The following RAB1A variants were observed in gnomAD, a reference collection of about 807,000 sequenced individuals.
RAB1A encodes ras-related protein Rab-1A.
Under a neutral mutation model 26.0 loss-of-function variants are expected in RAB1A, and 2 were observed. That is an observed-to-expected ratio of 0.08 (90% CI 0.03 to 0.24). RAB1A has a LOEUF of 0.24. RAB1A is among the 10% of genes least tolerant of loss of function. RAB1A has a pLI of 1.00. For synonymous variants in RAB1A, 84 were observed against 84.9 expected, an observed-to-expected ratio of 0.99 and a Z score of 0.06; for missense variants, 100 against 247.0, an observed-to-expected ratio of 0.40 and a Z score of 3.99.
chr2:65,124,840 T>A (rs575149953), intron 1 of RAB1A, among the ~76,000 whole-genome samples: 8 of 152,164 alleles, frequency 5.3e-5, no homozygotes, highest in Non-Finnish European at 8.8e-5. Context: ...TTTATACAAC[T>A]ACTGAATACT....
In RAB1A at chr2:65,130,032, A is replaced by T. The variant is rs1019065320; in HGVS notation, c.-117T>A. 261 of 1,149,602 alleles carry T rather than the reference A, an allele frequency of 2.3e-4. No individual in the cohort carries two copies. Among genetic ancestry groups the T allele is most frequent in the Non-Finnish European group, 3.1e-4 (244 of 786,274 alleles). The allele number at this position is 1,149,602 out of a possible 1,614,324, so 71.2% of individuals were successfully genotyped here. A position where few individuals can be genotyped will look rare whatever the true frequency, so the allele number is the denominator to read the frequency against. On this transcript the variant is annotated 5_prime_UTR_variant, in exon 1 of 6. In the 5' UTR this introduces an upstream ATG that the reference lacks. Transcript: ENST00000409784. ...TGAGATAGGCTGTTCCGGGAGAGCA[A>T]ACGTCTTCCCCTACTCCGTCCCCTA...
chr2:65,112,439 A>G (rs12472234), intron 1 of RAB1A, among the ~76,000 whole-genome samples: 123,826 of 152,104 alleles, frequency 0.81, 50,480 homozygotes, highest in Non-Finnish European at 0.82. Context: ...AAGCCACCGT[A>G]CCCAGCCACT....
chr2:65,100,855 TG>T (rs1255932676), intron 2 of RAB1A, among the ~76,000 whole-genome samples: 3 of 150,022 alleles, frequency 2.0e-5, no homozygotes, highest in African/African-American at 7.4e-5. Flanking sequence ...ATAGAAATAC[TG>T]AATTCTTGGC....
rs1201745425 is a variant in RAB1A, at chr2:65,103,299, C to CAAAAAAAAAAAAAAAAAAAAAAAAA, written c.96+1434_96+1435insTTTTTTTTTTTTTTTTTTTTTTTTT. Among the ~76,000 whole-genome samples, 136 of 44,088 alleles carry CAAAAAAAAAAAAAAAAAAAAAAAAA rather than the reference C, an allele frequency of 3.1e-3. 6 individuals are homozygous for CAAAAAAAAAAAAAAAAAAAAAAAAA. Among genetic ancestry groups the CAAAAAAAAAAAAAAAAAAAAAAAAA allele is most frequent in the Non-Finnish European group, 4.3e-3 (94 of 21,888 alleles). 28.9% of individuals were successfully genotyped at this position (44,088 alleles called of 152,430 possible). A position where few individuals can be genotyped will look rare whatever the true frequency, so the allele number is the denominator to read the frequency against. ...TTGGCAACACAGCCAGAATCTGTCT[C>CAAAAAAAAAAAAAAAAAAAAAAAAA]AAAAAAAAAAAAAAACATTGTTTTA... On this transcript the variant is annotated intron_variant, in intron 2 of 5. Coordinates refer to ENST00000409784, the MANE Select transcript of RAB1A (RefSeq NM_004161.5).
chr2:65,098,150 C>A, intron 2 of RAB1A, 84 bp from the exon 3 acceptor site: 2 of 738,474 alleles, frequency 2.7e-6, no homozygotes, highest in Non-Finnish European at 4.1e-6. Flanking sequence ...AACTGTTGTT[C>A]AAGAGTAAAT....
intron 1 of RAB1A, among the ~76,000 whole-genome samples, chr2:65,118,944 G>A (rs888738598): frequency 5.3e-5 from 8 of 151,612 alleles, no homozygotes; most frequent in African/African-American, 1.2e-4. Context: ...ATCCCAGCAC[G>A]TTGGGAGGTC....
chr2:65,111,290 A>C (rs966060807), intron 1 of RAB1A, among the ~76,000 whole-genome samples: 2 of 151,374 alleles, frequency 1.3e-5, no homozygotes, highest in Admixed American at 6.6e-5. Context: ...TGAACCCCGG[A>C]GGTGGAGGCT....
chr2:65,097,874 A>ATTCAATT (rs953710056), intron 3 of RAB1A, 97 bp downstream of exon 3: 79 of 615,818 alleles, frequency 1.3e-4, no homozygotes, highest in African/African-American at 1.3e-3. Context: ...GACATTTTAC[A>ATTCAATT]TTCAATTTTG....
At chr2:65,096,879 A>G (rs1669301101) in intron 3 of RAB1A, among the ~76,000 whole-genome samples, 4 of 152,250 alleles carry the variant, frequency 2.6e-5, no homozygotes, top group Admixed American at 2.6e-4. Flanking sequence ...CCAAAAGTTT[A>G]CAAAGGGCTT....
chr2:65,094,128 C>T (rs1412461668), intron 3 of RAB1A, among the ~76,000 whole-genome samples: 1 of 152,138 alleles, frequency 6.6e-6, no homozygotes, highest in East Asian at 1.9e-4. Flanking sequence ...CACCACCATG[C>T]CTGGCTGAAT....
intron 1 of RAB1A, among the ~76,000 whole-genome samples, chr2:65,123,093 AACACAC>A (rs34280674): frequency 2.5e-4 from 38 of 151,422 alleles, no homozygotes; most frequent in Non-Finnish European, 4.7e-4. Flanking sequence ...CAGAAGAGAA[AACACAC>A]ACATACACAA....
chr2:65,114,740 G>A (rs1669784275), intron 1 of RAB1A, among the ~76,000 whole-genome samples: 1 of 152,078 alleles, frequency 6.6e-6, no homozygotes, highest in Admixed American at 6.6e-5. Flanking sequence ...AGCTACTCGG[G>A]AGGCTGAGGC....
intron 2 of RAB1A, among the ~76,000 whole-genome samples, chr2:65,103,299 C>CAAAAAAAAAACAAAAAAAAAAAA (rs1553392747): frequency 2.3e-5 from 1 of 44,106 alleles, no homozygotes; most frequent in African/African-American, 7.7e-5. Context: ...GAATCTGTCT[C>CAAAAAAAAAACAAAAAAAAAAAA]AAAAAAAAAA....
intron 1 of RAB1A, among the ~76,000 whole-genome samples, chr2:65,122,155 CAAAAAAAAAAAAAA>C (rs57590844): frequency 3.2e-5 from 1 of 31,730 alleles, no homozygotes; most frequent in Non-Finnish European, 8.0e-5. Flanking sequence ...GACTCTATCT[CAAAAAAAAAAAAAA>C]AAAAAAAAAA....
intron 2 of RAB1A, among the ~76,000 whole-genome samples, chr2:65,099,985 A>C (rs80171515): frequency 0.032 from 4,849 of 152,288 alleles, 270 homozygotes; most frequent in African/African-American, 0.11. Flanking sequence ...ATGACATAAA[A>C]AATATATAAA....
intron 3 of RAB1A, 38 bp from the exon 4 acceptor site, chr2:65,091,116 T>TA: frequency 6.6e-7 from 1 of 1,519,488 alleles, no homozygotes; most frequent in Non-Finnish European, 9.1e-7. Context: ...ACAATTCCAT[T>TA]AAAATAAAGT....
In RAB1A at chr2:65,104,354, C is replaced by T. The variant is rs572393695; in HGVS notation, c.96+380G>A. Among the ~76,000 whole-genome samples, 3 of 152,250 alleles carry T rather than the reference C, an allele frequency of 2.0e-5. No homozygotes were observed. The East Asian group carries it at 5.8e-4, about 29-fold the overall frequency. On this transcript the variant is annotated intron_variant, in intron 2 of 5. Transcript: ENST00000409784. ...CTGAGACTGCAGGCATGATCCACTG[C>T]GTCACCTGGCTCTGCTTTTTCTTCT...
chr2:65,088,359 A>T lies in RAB1A; in HGVS notation c.*134T>A. On this transcript the variant is annotated 3_prime_UTR_variant, in exon 6 of 6. Coordinates refer to ENST00000409784, the MANE Select transcript of RAB1A (RefSeq NM_004161.5). The stretch of plus-strand genomic sequence containing the variant: ...AAAAAAGTCAGTATTGACCATTTAC[A>T]ATCTCTGACCTTTGTGGAGACGGTA... 1 of 722,150 alleles carries T rather than the reference A, an allele frequency of 1.4e-6. No homozygotes were observed. Among genetic ancestry groups the T allele is most frequent in the South Asian group, 2.1e-5 (1 of 47,084 alleles). The allele number at this position is 722,150 out of a possible 1,614,324, so 44.7% of individuals were successfully genotyped here.
intron 1 of RAB1A, among the ~76,000 whole-genome samples, chr2:65,105,887 C>T (rs1025841089): frequency 3.3e-5 from 5 of 152,044 alleles, no homozygotes; most frequent in South Asian, 2.1e-4. Flanking sequence ...CTCAGCCTCC[C>T]GAGTAGCTGG....
Sources: allele counts gnomAD v4.1 joint callset (sites outside exome capture counted in the v4.1 genomes callset), GRCh38; gene constraint gnomAD v4.1.1; transcripts MANE v1.5; gene names NCBI Gene and HGNC (gene_info 2026-07-23, HGNC 2026-07-21).